The following ETS1 variants were observed in gnomAD, a reference collection of about 807,000 sequenced individuals.
The protein encoded by ETS1 is ETS proto-oncogene 1, transcription factor, also known as protein C-ets-1.
ETS1 carries 15 observed loss-of-function variants against 58.6 expected under a neutral mutation model. The ratio of observed to expected loss-of-function variants is 0.26; its 90% CI spans 0.17 to 0.39. The LOEUF is 0.39. Among genes scored for constraint, ETS1 ranks in the 10% least tolerant of loss-of-function variants. The pLI is 1.00. For synonymous variants in ETS1, 214 were observed against 218.2 expected (o/e 0.98, Z 0.17); for missense variants, 417 against 610.5 (o/e 0.68, Z 3.34).
At chr11:128,471,396 T>C in intron 8 of ETS1, among the ~76,000 whole-genome samples, 1 of 152,364 alleles carries the variant, frequency 6.6e-6, no homozygotes, top group East Asian at 1.9e-4. Flanking sequence ...CACCTGCAAG[T>C]GCTCAAGTAC....
intron 3 of ETS1, among the ~76,000 whole-genome samples, chr11:128,508,881 T>C (rs1863313153): frequency 6.6e-6 from 1 of 152,216 alleles, no homozygotes; most frequent in South Asian, 2.1e-4. Flanking sequence ...TGTTTGCCCA[T>C]AAAAACACTG....
rs1161506184 is a variant in ETS1 at position 128,545,200 on chromosome 11, G to A, written c.214+11091C>T. On this transcript the variant is annotated intron_variant, in intron 3 of 9. Transcript: ENST00000392668. Reference sequence around the variant, plus strand: ...CAATATGGGACTCCAAGAAACCACAGAGAAGATATAAAAGAAATCAGGTAA... The same window carrying A: ...CAATATGGGACTCCAAGAAACCACAAAGAAGATATAAAAGAAATCAGGTAA... Among the ~76,000 whole-genome samples the A allele has an allele frequency of 2.6e-5, 4 of 152,174 alleles. No individual in the cohort carries two copies. The East Asian group carries it at 7.7e-4, about 29-fold the overall frequency.
At chr11:128,567,611 G>GTTTTGGTTTTGT (rs1555089612) in intron 2 of ETS1, among the ~76,000 whole-genome samples, 13 of 147,630 alleles carry the variant, frequency 8.8e-5, no homozygotes, top group South Asian at 4.4e-4. Context: ...TGTTTTTTGG[G>GTTTTGGTTTTGT]TTTTGTTTTT....
chr11:128,503,329 G>A (rs566369979), intron 3 of ETS1, among the ~76,000 whole-genome samples: 2 of 152,184 alleles, frequency 1.3e-5, no homozygotes, highest in African/African-American at 4.8e-5. Context: ...TAGGGCCAAC[G>A]AACCCTAGGA....
chr11:128,523,008 T>C (rs1196765506), intron 3 of ETS1, among the ~76,000 whole-genome samples: 1 of 152,092 alleles, frequency 6.6e-6, no homozygotes, highest in Non-Finnish European at 1.5e-5. Flanking sequence ...GCCATGAGCT[T>C]CCGTAAGCTT....
At chr11:128,490,598 G>A in intron 3 of ETS1, 22 bp from the exon 4 acceptor site, 1 of 1,585,674 alleles carries the variant, frequency 6.3e-7, no homozygotes. Flanking sequence ...AATTGCATAT[G>A]AATAACAAAA....
chr11:128,535,781 T>C (rs1020333473), intron 3 of ETS1, among the ~76,000 whole-genome samples: 2 of 152,220 alleles, frequency 1.3e-5, no homozygotes, highest in African/African-American at 4.8e-5. Flanking sequence ...TTTTGAAAAG[T>C]TGTGTCTTTC....
chr11:128,489,207 C>T (rs60859278), intron 5 of ETS1, 83 bp downstream of exon 5: 34 of 1,160,788 alleles, frequency 2.9e-5, no homozygotes, highest in Admixed American at 1.7e-5. Context: ...AAGGCATTGA[C>T]GTCCCACCAT....
intron 3 of ETS1, among the ~76,000 whole-genome samples, chr11:128,546,852 A>G (rs1864140250): frequency 6.6e-6 from 1 of 152,112 alleles, no homozygotes; most frequent in Admixed American, 6.5e-5. Flanking sequence ...TCTACTGTGC[A>G]CTAGAAAGGC....
intron 8 of ETS1, among the ~76,000 whole-genome samples, chr11:128,471,716 T>C (rs1862192491): frequency 6.6e-6 from 1 of 152,188 alleles, no homozygotes; most frequent in African/African-American, 2.4e-5. Context: ...GAAAAGGTTT[T>C]TCCAGCCACT....
Position 128,545,431 on chromosome 11 carries a change from C to G in ETS1, c.214+10860G>C, listed in dbSNP as rs530660903. Among the ~76,000 whole-genome samples the G allele has an allele frequency of 2.0e-5, 3 of 152,314 alleles. No individual in the cohort carries two copies. The East Asian group carries it at 5.8e-4, about 29-fold the overall frequency. ...GGAATATTTACATTTAATTACCAACCTGCCTCCCAGAATTAGTTAGGCTTC... is the reference window on the plus strand; with the variant it reads ...GGAATATTTACATTTAATTACCAACGTGCCTCCCAGAATTAGTTAGGCTTC... On this transcript the variant is annotated intron_variant, in intron 3 of 9. Coordinates refer to ENST00000392668, the MANE Select transcript of ETS1 (RefSeq NM_001143820.2).
chr11:128,558,142 C>T (rs1201498723), intron 2 of ETS1, among the ~76,000 whole-genome samples: 1 of 152,204 alleles, frequency 6.6e-6, no homozygotes, highest in Non-Finnish European at 1.5e-5. Flanking sequence ...TATCTTCCAA[C>T]TGCATTAAAG....
At chr11:128,556,467 A>G (rs556700435) in intron 2 of ETS1, 32 bp from the exon 3 acceptor site, 43 of 1,496,630 alleles carry the variant, frequency 2.9e-5, no homozygotes, top group Non-Finnish European at 3.6e-5. Context: ...AAAATATATT[A>G]GGAGGAAAAT....
At chr11:128,543,812 G>C (rs1046095822) in intron 3 of ETS1, among the ~76,000 whole-genome samples, 1 of 152,160 alleles carries the variant, frequency 6.6e-6, no homozygotes, top group African/African-American at 2.4e-5. Context: ...ATATTTGAGA[G>C]GAGAGGTAAT....
chr11:128,486,037 T>C (rs770434047), intron 6 of ETS1, 32 bp downstream of exon 6: 1 of 1,377,908 alleles, frequency 7.3e-7, no homozygotes, highest in Admixed American at 1.7e-5. Context: ...TTTGCTATTA[T>C]CATGAGAGAA....
chr11:128,512,368 C>G (rs1863414760), intron 3 of ETS1, among the ~76,000 whole-genome samples: 1 of 152,214 alleles, frequency 6.6e-6, no homozygotes, highest in Non-Finnish European at 1.5e-5. Context: ...TCTACACTGT[C>G]ATCAATGATC....
At chr11:128,525,810 A>G (rs1863790478) in intron 3 of ETS1, among the ~76,000 whole-genome samples, 1 of 152,142 alleles carries the variant, frequency 6.6e-6, no homozygotes, top group African/African-American at 2.4e-5. Context: ...AGGGAAGAAA[A>G]ATGCCTGGCA....
chr11:128,463,416 C>T lies in ETS1; in HGVS notation c.1242+93G>A. ...AAGTGGCAGAGCTGGGAATCCCAAT[C>T]CTGGAACACGTCATTCAGGCCCACG... On this transcript the variant is annotated intron_variant, in intron 9 of 9. Coordinates refer to ENST00000392668, the MANE Select transcript of ETS1 (RefSeq NM_001143820.2). The surrounding 1 kb of genome is among the most constrained non-coding windows in gnomAD (Gnocchi z 4.1). 1.3e-6 allele frequency: 1 copy of T among 764,040 alleles called. No individual in the cohort carries two copies. The highest frequency in any genetic ancestry group is 2.3e-6 in the Non-Finnish European group (1 of 432,566). The allele number at this position is 764,040 out of a possible 1,614,324, so 47.3% of individuals were successfully genotyped here. A position where few individuals can be genotyped will look rare whatever the true frequency, so the allele number is the denominator to read the frequency against.
intron 1 of ETS1, among the ~76,000 whole-genome samples, chr11:128,585,021 A>AAAGC (rs1198314060): frequency 1.4e-4 from 2 of 14,548 alleles, no homozygotes; most frequent in African/African-American, 5.7e-4. Context: ...GGAAAGAAAG[A>AAAGC]AGAAAGAAAG....
Sources: gnomAD v4.1 joint callset for allele counts (sites outside exome capture counted in the v4.1 genomes callset) on GRCh38, gnomAD v4.1.1 for gene constraint, Gnocchi (gnomAD v3.1) non-coding constraint, MANE v1.5 for transcripts, NCBI Gene and HGNC (gene_info 2026-07-23, HGNC 2026-07-21) for gene names.